KCNQ1: variants seen among roughly 807,000 people sequenced by gnomAD.
The protein encoded by KCNQ1 is potassium voltage-gated channel subfamily KQT member 1.
A neutral mutation model predicts 72.4 loss-of-function variants in KCNQ1; 49 were observed. That is an observed-to-expected ratio of 0.68 (90% confidence interval 0.54 to 0.86). The LOEUF (loss-of-function observed/expected upper bound fraction) is 0.86. Among genes scored for constraint, KCNQ1 ranks in the 40% least tolerant of loss-of-function variants. The probability of loss-of-function intolerance (pLI) is 0.00; values close to 1 mark genes in which losing one functional copy is unlikely to be tolerated. For synonymous variants in KCNQ1, 450 were observed against 412.6 expected (o/e 1.09, Z -1.10); for missense variants, 790 against 945.1 (o/e 0.84, Z 2.15).
intron 10 of KCNQ1, chr11:2,610,203 C>A: frequency 2.5e-6 from 1 of 397,634 alleles, no homozygotes; most frequent in Non-Finnish European, 4.4e-6. Context: ...TAGGGCTTAC[C>A]TTATGTATCG....
intron 11 of KCNQ1, chr11:2,666,624 G>C: frequency 2.5e-6 from 1 of 398,650 alleles, no homozygotes. Flanking sequence ...CACAAGGGTG[G>C]CCCCAAATTT....
Position 2,847,858 on chromosome 11 carries a change from G to C in KCNQ1, c.1886G>C (p.Gly629Ala). The change falls in exon 16 of 16, where the codon GGC (glycine) becomes GCC (alanine). Residue 629 changes from glycine to alanine, a missense_variant. This residue lies in a region of KCNQ1 where 94 missense variants were observed against 85.2 expected (regional missense o/e 1.10). Transcript: ENST00000155840. ...LHGGSTPGSGGPPREGGAHIT... is the reference protein window; with the variant it reads ...LHGGSTPGSGAPPREGGAHIT... The stretch of plus-strand genomic sequence containing the variant: ...GGTGGCAGCACCCCCGGCAGCGGCG[G>C]CCCCCCCAGAGAGGGCGGGGCCCAC... 6.3e-7 allele frequency: 1 copy of C among 1,574,958 alleles called. No individual in the cohort carries two copies. The highest frequency in any genetic ancestry group is 8.6e-7 in the Non-Finnish European group (1 of 1,160,184).
rs28730661 is a variant in KCNQ1, at chr11:2,527,911, G to A, written c.387-17G>A. 1,945 of 1,611,664 alleles carry A rather than the reference G, an allele frequency of 1.2e-3. 18 individuals carry two copies. In the African/African-American group the frequency reaches 0.024, roughly 20 times the overall value. The stretch of plus-strand genomic sequence containing the variant: ...GGCAGAGGCCGTGATGCTGACTGCC[G>A]TGTCCCTGTCTTGCAGCTTCCTCAT... On this transcript the variant is annotated splice_polypyrimidine_tract_variant and intron_variant, in intron 1 of 15. Coordinates refer to ENST00000155840, the MANE Select transcript of KCNQ1 (RefSeq NM_000218.3).
intron 10 of KCNQ1, chr11:2,635,091 A>G (rs1261786374): frequency 1.3e-5 from 2 of 152,222 alleles, no homozygotes; most frequent in African/African-American, 4.8e-5. Flanking sequence ...GCCTTTTATC[A>G]GATGAGTAGA....
At chr11:2,675,727 CT>C (rs1161926579) in intron 11 of KCNQ1, 2 of 398,718 alleles carry the variant, frequency 5.0e-6, no homozygotes, top group Non-Finnish European at 4.4e-6. Flanking sequence ...GGAGCAGCCC[CT>C]GCTCCACAGA....
intron 11 of KCNQ1, among the ~76,000 whole-genome samples, chr11:2,738,328 G>C (rs946478737): frequency 1.3e-5 from 2 of 151,768 alleles, no homozygotes; most frequent in African/African-American, 2.4e-5. Flanking sequence ...ATGAAGCCGG[G>C]AGATCAAGGA....
Position 2,653,028 on chromosome 11 carries a change from A to G in KCNQ1, c.1394-8933A>G, listed in dbSNP as rs544408902. The G allele has an allele frequency of 5.0e-6, 2 of 398,622 alleles. No individual in the cohort carries two copies. The highest frequency in any genetic ancestry group is 4.1e-5 in the African/African-American group (2 of 48,740). The allele number at this position is 398,622 out of a possible 1,614,324, so 24.7% of individuals were successfully genotyped here. ...GGCAAATCTATTCTGCACACCTTTG[A>G]TCCAATGTGAGATCCAACATGTTCC... On this transcript the variant is annotated intron_variant, in intron 10 of 15. Coordinates refer to ENST00000155840, the MANE Select transcript of KCNQ1 (RefSeq NM_000218.3). This position sits in a 1 kb window ranked among gnomAD's most constrained non-coding sequence, Gnocchi z 5.3.
At chr11:2,667,267 C>T in intron 11 of KCNQ1, 1 of 398,630 alleles carries the variant, frequency 2.5e-6, no homozygotes, top group Non-Finnish European at 4.4e-6. Flanking sequence ...AAGCGGCTGG[C>T]CTAGGGCTGC....
At chr11:2,584,046 AT>A (rs1848546770) in intron 7 of KCNQ1, among the ~76,000 whole-genome samples, 1 of 149,532 alleles carries the variant, frequency 6.7e-6, no homozygotes, top group Non-Finnish European at 1.5e-5. Context: ...TGTGTGTATA[AT>A]TTTATGTTAC....
rs181451248 is a variant in KCNQ1, at chr11:2,809,189, T to A, written c.1794+31152T>A. Reference sequence around the variant, plus strand: ...GGGATGCCTGCAGCTTTTGAATTGTTGATTTTTTTCTTTTTTTAAGAAGAA... The same window carrying A: ...GGGATGCCTGCAGCTTTTGAATTGTAGATTTTTTTCTTTTTTTAAGAAGAA... On this transcript the variant is annotated intron_variant, in intron 15 of 15. Transcript: ENST00000155840. This position sits in a 1 kb window ranked among gnomAD's most constrained non-coding sequence, Gnocchi z 7.1. 3.7e-3 allele frequency among the ~76,000 whole-genome samples: 559 copies of A among 152,320 alleles called. 19 individuals carry two copies. Among genetic ancestry groups the A allele is most frequent in the Non-Finnish European group, 6.8e-4 (46 of 68,022 alleles).
chr11:2,640,784 A>T (rs1849563237), intron 10 of KCNQ1: 1 of 398,364 alleles, frequency 2.5e-6, no homozygotes, highest in Admixed American at 4.4e-5. Flanking sequence ...ATTTATTCTA[A>T]CTAGCTGTGT....
At chr11:2,518,441 C>T (rs1046582242) in intron 1 of KCNQ1, among the ~76,000 whole-genome samples, 1 of 152,150 alleles carries the variant, frequency 6.6e-6, no homozygotes. Context: ...GTGGCCCCGG[C>T]AGGGGGACCA....
At position 2,661,415 on chromosome 11, in the gene KCNQ1, T is replaced by C. The variant is rs117134350; in HGVS notation, c.1394-546T>C. Reference sequence around the variant, plus strand: ...CTGTTGGAGGGACTCCTGTGCCTCATTGGGGGTACAACTGGTTGATGTAGC... The same window carrying C: ...CTGTTGGAGGGACTCCTGTGCCTCACTGGGGGTACAACTGGTTGATGTAGC... On this transcript the variant is annotated intron_variant, in intron 10 of 15. Transcript: ENST00000155840. The surrounding 1 kb of genome is among the most constrained non-coding windows in gnomAD (Gnocchi z 5.9). The C allele has an allele frequency of 5.6e-3, 2,312 of 414,560 alleles. 21 individuals are homozygous for C. The highest frequency in any genetic ancestry group is 0.016 in the Middle Eastern group (26 of 1,642). 25.7% of individuals were successfully genotyped at this position (414,560 alleles called of 1,614,324 possible). A position where few individuals can be genotyped will look rare whatever the true frequency, so the allele number is the denominator to read the frequency against.
chr11:2,620,655 A>G lies in KCNQ1; in HGVS notation c.1393+31801A>G. ...GAATAGTGCTGTGATGAACATACAA[A>G]TGCATGTGTCTTTTTGATAGAACAA... On this transcript the variant is annotated intron_variant, in intron 10 of 15. Transcript: ENST00000155840. This position sits in a 1 kb window ranked among gnomAD's most constrained non-coding sequence, Gnocchi z 4.5. The G allele has an allele frequency of 2.5e-6, 1 of 398,462 alleles. No homozygotes were observed. The highest frequency in any genetic ancestry group is 4.4e-6 in the Non-Finnish European group (1 of 226,038). 24.7% of individuals were successfully genotyped at this position (398,462 alleles called of 1,614,324 possible). A position where few individuals can be genotyped will look rare whatever the true frequency, so the allele number is the denominator to read the frequency against.
chr11:2,789,308 G>A (rs1846973028), intron 15 of KCNQ1, among the ~76,000 whole-genome samples: 2 of 152,208 alleles, frequency 1.3e-5, no homozygotes, highest in African/African-American at 4.8e-5. Context: ...TCCTGGAAGG[G>A]ACTCTAGCAC....
Position 2,624,617 on chromosome 11 carries a change from T to C in KCNQ1, c.1393+35763T>C, listed in dbSNP as rs1377159697. 3 of 398,444 alleles carry C rather than the reference T, an allele frequency of 7.5e-6. No homozygotes were observed. The highest frequency in any genetic ancestry group is 6.2e-5 in the African/African-American group (3 of 48,630). The allele number at this position is 398,444 out of a possible 1,614,324, so 24.7% of individuals were successfully genotyped here. ...AAATTACCATCCTAACCAATTTTAG[T>C]GTACAATTCAGTGAATGTATTAGAT... is the stretch of plus-strand genomic sequence containing the variant. On this transcript the variant is annotated intron_variant, in intron 10 of 15. Transcript: ENST00000155840. This position sits in a 1 kb window ranked among gnomAD's most constrained non-coding sequence, Gnocchi z 4.9.
At chr11:2,730,214 C>G (rs968160259) in intron 11 of KCNQ1, among the ~76,000 whole-genome samples, 1 of 152,180 alleles carries the variant, frequency 6.6e-6, no homozygotes, top group African/African-American at 2.4e-5. Flanking sequence ...AGGATGGCAG[C>G]TGGACCAGGA....
Position 2,576,273 on chromosome 11 carries a change from G to C in KCNQ1, c.921+3287G>C, listed in dbSNP as rs116433029. On this transcript the variant is annotated intron_variant, in intron 6 of 15. Transcript: ENST00000155840. Reference sequence around the variant, plus strand: ...CAGCGAAGGCGCCGGCTCAGTGGTTGAGTGTCCCCTCCTGTCCCCTTCGCC... The same window carrying C: ...CAGCGAAGGCGCCGGCTCAGTGGTTCAGTGTCCCCTCCTGTCCCCTTCGCC... Among the ~76,000 whole-genome samples the C allele has an allele frequency of 4.2e-3, 636 of 152,324 alleles. 3 individuals are homozygous for C. Among genetic ancestry groups the C allele is most frequent in the African/African-American group, 0.013 (557 of 41,560 alleles).
intron 2 of KCNQ1, among the ~76,000 whole-genome samples, chr11:2,557,113 A>G (rs762104185): frequency 1.3e-5 from 2 of 152,246 alleles, no homozygotes; most frequent in Non-Finnish European, 2.9e-5. Context: ...TGAAAAATAA[A>G]GGAATGGCCA....
Sources: gnomAD v4.1 joint callset for allele counts (sites outside exome capture counted in the v4.1 genomes callset) on GRCh38, gnomAD v4.1.1 for gene constraint, gnomAD v4.1.1 regional missense constraint, Gnocchi (gnomAD v3.1) non-coding constraint, MANE v1.5 for transcripts, NCBI Gene and HGNC (gene_info 2026-07-23, HGNC 2026-07-21) for gene names.